The following CREB5 variants were observed in gnomAD, a reference collection of about 807,000 sequenced individuals.
CREB5 encodes cyclic AMP-responsive element-binding protein 5.
CREB5 carries 19 observed loss-of-function variants against 57.1 expected under a neutral mutation model. The observed-to-expected ratio is 0.33, with a 90% CI of 0.23 to 0.49. The LOEUF (loss-of-function observed/expected upper bound fraction) is 0.49, where lower values mean the gene tolerates loss of function less well. Ranked by LOEUF, CREB5 falls within the 20% of genes least tolerant of loss-of-function variation. The probability of loss-of-function intolerance (pLI) is 0.99; values close to 1 mark genes in which losing one functional copy is unlikely to be tolerated. For synonymous variants in CREB5, 238 were observed against 238.3 expected, an observed-to-expected ratio of 1.00 and a Z score of 0.01; for missense variants, 579 against 671.6, an observed-to-expected ratio of 0.86 and a Z score of 1.52.
At chr7:28,309,902 C>T (rs1469832675) in intron 1 of CREB5, among the ~76,000 whole-genome samples, 2 of 152,158 alleles carry the variant, frequency 1.3e-5, no homozygotes, top group African/African-American at 4.8e-5. Context: ...CATACATGTG[C>T]TTAACCATTA....
upstream of CREB5, chr7:28,410,802 A>T: frequency 5.7e-6 from 2 of 348,290 alleles, no homozygotes; most frequent in Admixed American, 7.6e-5. Context: ...TGAGCTCCTC[A>T]AGGGTTCAGG....
At chr7:28,641,967 T>G (rs903659682) in intron 5 of CREB5, among the ~76,000 whole-genome samples, 3 of 152,192 alleles carry the variant, frequency 2.0e-5, no homozygotes, top group African/African-American at 7.2e-5. Flanking sequence ...TGTGCACGTG[T>G]TCCTGGGTGT....
intron 9 of CREB5, 68 bp downstream of exon 9, chr7:28,809,482 C>A: frequency 1.4e-6 from 2 of 1,429,964 alleles, no homozygotes; most frequent in Non-Finnish European, 1.9e-6. Context: ...CCGGCCCTGA[C>A]AGGCACTTGT....
chr7:28,737,518 T>TATATATGTATATATATAC (rs1804048794), intron 7 of CREB5, among the ~76,000 whole-genome samples: 4 of 137,774 alleles, frequency 2.9e-5, no homozygotes, highest in Non-Finnish European at 6.2e-5. Flanking sequence ...TGTGTGTGTG[T>TATATATGTATATATATAC]GTATATATGT....
At chr7:28,319,801 A>T (rs545820808) in intron 1 of CREB5, among the ~76,000 whole-genome samples, 3 of 152,070 alleles carry the variant, frequency 2.0e-5, no homozygotes, top group Admixed American at 1.3e-4. Context: ...TTAATTGATG[A>T]AAACTCTAGG....
At chr7:28,762,265 T>A (rs193107619) in intron 7 of CREB5, among the ~76,000 whole-genome samples, 16 of 152,292 alleles carry the variant, frequency 1.1e-4, no homozygotes, top group African/African-American at 2.9e-4. Context: ...AAATAAACAT[T>A]TTACAGAAAG....
At chr7:28,610,710 A>G (rs557771202) in intron 5 of CREB5, among the ~76,000 whole-genome samples, 1 of 152,242 alleles carries the variant, frequency 6.6e-6, no homozygotes, top group East Asian at 1.9e-4. Context: ...ACTTTCTTGG[A>G]ATGGAGGATT....
chr7:28,496,492 G>C (rs1792054731), intron 3 of CREB5, among the ~76,000 whole-genome samples: 1 of 152,106 alleles, frequency 6.6e-6, no homozygotes, highest in Non-Finnish European at 1.5e-5. Context: ...CATTGTTATT[G>C]ACAGGGGAGG....
chr7:28,553,525 T>C (rs1036948272), intron 4 of CREB5, among the ~76,000 whole-genome samples: 14 of 152,198 alleles, frequency 9.2e-5, no homozygotes, highest in African/African-American at 3.1e-4. Flanking sequence ...GGTAAAAATA[T>C]ATAGTTTATG....
chr7:28,306,505 C>T (rs190978155), intron 1 of CREB5, among the ~76,000 whole-genome samples: 191 of 99,120 alleles, frequency 1.9e-3, no homozygotes, highest in Non-Finnish European at 5.1e-4. Flanking sequence ...TTTAAATGGG[C>T]GATGAAGAAA....
At chr7:28,597,061 A>G (rs1796713976) in intron 5 of CREB5, among the ~76,000 whole-genome samples, 1 of 152,210 alleles carries the variant, frequency 6.6e-6, no homozygotes, top group Non-Finnish European at 1.5e-5. Flanking sequence ...ATGGATAGTT[A>G]AACCTTTCTG....
chr7:28,516,325 G>A (rs1583565190), intron 4 of CREB5, among the ~76,000 whole-genome samples: 2 of 152,316 alleles, frequency 1.3e-5, no homozygotes, highest in East Asian at 3.9e-4. Flanking sequence ...AGAGAGATCG[G>A]TGTGGGACAT....
At chr7:28,332,973 C>T (rs1441375367) in intron 1 of CREB5, among the ~76,000 whole-genome samples, 1 of 152,212 alleles carries the variant, frequency 6.6e-6, no homozygotes, top group African/African-American at 2.4e-5. Flanking sequence ...GACTTGAACA[C>T]TACACTAGTT....
intron 5 of CREB5, among the ~76,000 whole-genome samples, chr7:28,648,169 G>A (rs1435307588): frequency 6.6e-6 from 1 of 152,122 alleles, no homozygotes; most frequent in African/African-American, 2.4e-5. Flanking sequence ...GAGAGGGTCT[G>A]GGAGGGTATA....
At chr7:28,512,653 G>C (rs1435952253) in intron 4 of CREB5, among the ~76,000 whole-genome samples, 6 of 136,834 alleles carry the variant, frequency 4.4e-5, no homozygotes, top group South Asian at 2.4e-4. Flanking sequence ...ATAACTGTGT[G>C]TGTGTGTGTG....
At chr7:28,787,985 G>A (rs1807435253) in intron 7 of CREB5, among the ~76,000 whole-genome samples, 1 of 152,134 alleles carries the variant, frequency 6.6e-6, no homozygotes, top group South Asian at 2.1e-4. Flanking sequence ...TTTGATACCA[G>A]TCAATTTTAA....
chr7:28,457,704 C>T (rs1393614609), intron 1 of CREB5, among the ~76,000 whole-genome samples: 1 of 152,036 alleles, frequency 6.6e-6, no homozygotes, highest in Non-Finnish European at 1.5e-5. Context: ...TCCATCTTGT[C>T]CTGGGAGTCA....
chr7:28,553,272 G>A (rs1295351298), intron 4 of CREB5, among the ~76,000 whole-genome samples: 1 of 152,138 alleles, frequency 6.6e-6, no homozygotes, highest in Non-Finnish European at 1.5e-5. Flanking sequence ...TGACTTTCAA[G>A]TAATGCATTT....
intron 8 of CREB5, among the ~76,000 whole-genome samples, chr7:28,805,560 T>C (rs1248833598): frequency 1.3e-5 from 2 of 152,186 alleles, no homozygotes; most frequent in Non-Finnish European, 2.9e-5. Flanking sequence ...TTTGAACTCT[T>C]GAGCCCCCCT....
Sources: allele counts gnomAD v4.1 joint callset (sites outside exome capture counted in the v4.1 genomes callset), GRCh38; gene constraint gnomAD v4.1.1; transcripts MANE v1.5; gene names NCBI Gene and HGNC (gene_info 2026-07-23, HGNC 2026-07-21).